ZNF215: variants seen among roughly 807,000 people sequenced by gnomAD.
ZNF215 encodes the protein BWSCR2-associated zinc finger protein 2.
In ZNF215, 24 loss-of-function variants were observed where a neutral mutation model predicts 27.2. That is an observed-to-expected ratio of 0.88 (90% CI 0.64 to 1.24). The LOEUF (loss-of-function observed/expected upper bound fraction) is 1.24. Among genes scored for constraint, ZNF215 ranks in the 50% most tolerant of loss-of-function variants. ZNF215 has a pLI of 0.00. For missense variants in ZNF215, 675 were observed against 605.7 expected, an observed-to-expected ratio of 1.11 and a Z score of -1.20; for synonymous variants, 210 against 204.0, an observed-to-expected ratio of 1.03 and a Z score of -0.25.
intron 5 of ZNF215, among the ~76,000 whole-genome samples, chr11:6,974,406 A>G (rs146187196): frequency 0.22 from 34,188 of 151,996 alleles, 3,975 homozygotes; most frequent in Non-Finnish European, 0.25. Flanking sequence ...ATGAACTTTA[A>G]AGTAGTTTTT....
At chr11:6,942,577 A>G (rs1006349735) in intron 4 of ZNF215, among the ~76,000 whole-genome samples, 6 of 152,174 alleles carry the variant, frequency 3.9e-5, no homozygotes, top group African/African-American at 9.6e-5. Context: ...CAGTCAGGCA[A>G]TCTTGCCCAT....
intron 6 of ZNF215, among the ~76,000 whole-genome samples, chr11:6,944,231 G>C (rs2857888): frequency 0.93 from 140,309 of 151,368 alleles, 65,156 homozygotes; most frequent in Non-Finnish European, 0.95. Context: ...AGCCAAGATC[G>C]CACCACTGCA....
Position 6,955,931 on chromosome 11 carries a change from T to C in ZNF215, c.954T>C (p.Ile318=), listed in dbSNP as rs747199408. Reference sequence around the variant, plus strand: ...TTGATATTAATTCAGTTAGCTCAATTTGTGCTATACAAGTGGGAATTCCTT... The same window carrying C: ...TTGATATTAATTCAGTTAGCTCAATCTGTGCTATACAAGTGGGAATTCCTT... ...KSFDINSVSS[I]CAIQVGIPSR... The change falls in exon 7 of 7, where the codon ATT becomes ATC. Residue 318 remains isoleucine (I), a synonymous_variant. Coordinates refer to ENST00000278319, the MANE Select transcript of ZNF215 (RefSeq NM_013250.4). 18 of 1,612,472 alleles carry C rather than the reference T, an allele frequency of 1.1e-5. No individual in the cohort carries two copies. The highest frequency in any genetic ancestry group is 1.4e-5 in the Non-Finnish European group (16 of 1,179,628).
chr11:6,956,866 T>G lies in ZNF215; in HGVS notation c.*335T>G, dbSNP rs1850380406. ...ATAGCATACTAATATCCACCTGATT[T>G]ATTGACGAAGTAGACATTAGGCAAA... is the stretch of plus-strand genomic sequence containing the variant. On this transcript the variant is annotated 3_prime_UTR_variant, in exon 7 of 7. Transcript: ENST00000278319. 4.9e-6 allele frequency: 5 copies of G among 1,017,268 alleles called. No individual in the cohort carries two copies. In the South Asian group the frequency reaches 1.7e-4, roughly 36 times the overall value. 63.0% of individuals were successfully genotyped at this position (1,017,268 alleles called of 1,614,324 possible). A position where few individuals can be genotyped will look rare whatever the true frequency, so the allele number is the denominator to read the frequency against.
downstream of ZNF215, among the ~76,000 whole-genome samples, chr11:6,993,265 A>T (rs143837111): frequency 3.8e-3 from 578 of 152,020 alleles, 4 homozygotes; most frequent in African/African-American, 0.013. Flanking sequence ...GTACTCTGCA[A>T]CTCGCCTTGA....
intron 5 of ZNF215, among the ~76,000 whole-genome samples, chr11:6,979,593 T>C (rs1272754893): frequency 6.6e-6 from 1 of 151,996 alleles, no homozygotes; most frequent in African/African-American, 2.4e-5. Flanking sequence ...TGCTGTGATT[T>C]CCACATAACA....
intron 5 of ZNF215, among the ~76,000 whole-genome samples, chr11:6,979,062 T>A (rs1337967010): frequency 1.3e-5 from 2 of 152,042 alleles, no homozygotes; most frequent in Non-Finnish European, 2.9e-5. Context: ...AAAGCTCTTA[T>A]CCACCAAAAG....
At chr11:6,972,924 T>C (rs1466464815) in intron 5 of ZNF215, among the ~76,000 whole-genome samples, 1 of 151,858 alleles carries the variant, frequency 6.6e-6, no homozygotes, top group East Asian at 1.9e-4. Flanking sequence ...TTTTTTATTA[T>C]ACTTTAAGTT....
chr11:6,959,858 G>A (rs565182113), downstream of ZNF215, among the ~76,000 whole-genome samples: 2 of 152,224 alleles, frequency 1.3e-5, no homozygotes, highest in East Asian at 3.9e-4. Context: ...ACATGTGTGA[G>A]ACAATTGTTT....
At chr11:6,944,303 T>G (rs1316930522) in intron 6 of ZNF215, among the ~76,000 whole-genome samples, 1 of 151,994 alleles carries the variant, frequency 6.6e-6, no homozygotes. Flanking sequence ...CAATGAAAAT[T>G]ACCCCACCTA....
downstream of ZNF215, among the ~76,000 whole-genome samples, chr11:6,990,756 A>ACG (rs2133366609): frequency 6.6e-6 from 1 of 152,346 alleles, no homozygotes; most frequent in African/African-American, 2.4e-5. Flanking sequence ...ACACACACAC[A>ACG]CGCGCACATG....
chr11:6,991,999 T>C (rs12274241), downstream of ZNF215, among the ~76,000 whole-genome samples: 7,055 of 152,190 alleles, frequency 0.046, 544 homozygotes, highest in African/African-American at 0.16. Context: ...TCTTCCTTAA[T>C]AGAATATGGC....
At chr11:6,983,406 T>G (rs1177861382) in intron 5 of ZNF215, among the ~76,000 whole-genome samples, 1 of 152,176 alleles carries the variant, frequency 6.6e-6, no homozygotes, top group African/African-American at 2.4e-5. Context: ...TAACTCATTT[T>G]ATGAGGCCAG....
chr11:6,980,712 A>G (rs903967969), intron 5 of ZNF215, among the ~76,000 whole-genome samples: 1 of 147,512 alleles, frequency 6.8e-6, no homozygotes, highest in African/African-American at 2.5e-5. Flanking sequence ...GCACCCATTA[A>G]CTCGTCATTT....
chr11:6,930,099 T>TC (rs1438854285), intron 2 of ZNF215, among the ~76,000 whole-genome samples: 3 of 147,958 alleles, frequency 2.0e-5, no homozygotes, highest in Non-Finnish European at 4.5e-5. Flanking sequence ...TTCAGTTTCT[T>TC]TTTTTTTTTT....
chr11:6,966,521 T>C (rs1850621374), intron 5 of ZNF215, among the ~76,000 whole-genome samples: 2 of 152,056 alleles, frequency 1.3e-5, no homozygotes, highest in African/African-American at 4.8e-5. Context: ...GTTTATATCA[T>C]CTAAGTTGTG....
At position 6,951,111 on chromosome 11, in the gene ZNF215, C is replaced by G. The variant is rs1590064824; in HGVS notation, c.713-4579C>G. Among the ~76,000 whole-genome samples the G allele has an allele frequency of 2.0e-5, 3 of 152,208 alleles. 1 individual carries two copies. The highest frequency in any genetic ancestry group is 2.1e-4 in the South Asian group (1 of 4,822). On this transcript the variant is annotated intron_variant, in intron 6 of 6. Transcript: ENST00000278319. ...CTTGATCATGGTGGATAAGCTTTTT[C>G]ATGTGCTGCTGGATTTGCTTTGCCA...
At chr11:6,978,415 T>G (rs1158024549) in intron 5 of ZNF215, among the ~76,000 whole-genome samples, 1 of 152,042 alleles carries the variant, frequency 6.6e-6, no homozygotes, top group East Asian at 1.9e-4. Flanking sequence ...TGTTGGCGAC[T>G]GATTAGAAAA....
intron 2 of ZNF215, among the ~76,000 whole-genome samples, chr11:6,930,352 A>G (rs192430865): frequency 5.3e-5 from 8 of 152,332 alleles, no homozygotes; most frequent in East Asian, 1.9e-4. Context: ...GTATATATAC[A>G]TATCTGTAAA....
Sources: gnomAD v4.1 joint callset for allele counts (sites outside exome capture counted in the v4.1 genomes callset) on GRCh38, gnomAD v4.1.1 for gene constraint, MANE v1.5 for transcripts, NCBI Gene and HGNC (gene_info 2026-07-23, HGNC 2026-07-21) for gene names.